MFSD6: variants seen among roughly 807,000 people sequenced by gnomAD.
MFSD6 encodes the protein major facilitator superfamily domain-containing protein 6.
A neutral mutation model predicts 56.3 loss-of-function variants in MFSD6; 26 were observed. The observed-to-expected ratio is 0.46, with a 90% CI of 0.34 to 0.64. The LOEUF (loss-of-function observed/expected upper bound fraction) is 0.64. Ranked by LOEUF, MFSD6 falls within the 30% of genes least tolerant of loss-of-function variation. The probability of loss-of-function intolerance (pLI) is 0.01; values close to 1 mark genes in which losing one functional copy is unlikely to be tolerated. For missense variants in MFSD6, 750 were observed against 986.2 expected, an observed-to-expected ratio of 0.76 and a Z score of 3.21; for synonymous variants, 331 against 366.9, an observed-to-expected ratio of 0.90 and a Z score of 1.12.
In MFSD6 at chr2:190,417,263, T is replaced by C. The variant is rs1466284584; in HGVS notation, c.-54+1850T>C. Among the ~76,000 whole-genome samples the C allele has an allele frequency of 6.6e-6, 1 of 152,186 alleles. No individual in the cohort carries two copies. The highest frequency in any genetic ancestry group is 6.5e-5 in the Admixed American group (1 of 15,276). ...TCACAGGACTTCAGTACTGGATCAT[T>C]AGCGGTAAGATCAGCACACCAAAAT... On this transcript the variant is annotated intron_variant, in intron 2 of 7. Coordinates refer to ENST00000392328, the MANE Select transcript of MFSD6 (RefSeq NM_017694.4). The surrounding 1 kb of genome is among the most constrained non-coding windows in gnomAD (Gnocchi z 5.7).
rs770260427 is a variant in MFSD6 at position 190,437,090 on chromosome 2, T to C, written c.1061T>C (p.Leu354Pro). Residue 354 changes from leucine (L) to proline (P), a missense_variant, in exon 3 of 8, where the codon CTC becomes CCC. By Grantham distance (98) the Leu-to-Pro change is moderately conservative. Transcript: ENST00000392328. This position sits in a 1 kb window ranked among gnomAD's most constrained non-coding sequence, Gnocchi z 5.9. The part of the protein sequence containing the change: ...IGIDYTHIEV[L>P]IDGKGCKPPE... ...ATCGACTACACCCACATCGAAGTGC[T>C]CATCGATGGAAAGGGGTGTAAGCCC... 3.1e-6 allele frequency: 5 copies of C among 1,614,226 alleles called. No homozygotes were observed. The South Asian group carries it at 4.4e-5, about 14-fold the overall frequency.
chr2:190,443,662 A>C lies in MFSD6; in HGVS notation c.1532+6101A>C, dbSNP rs1169326289. 6.6e-6 allele frequency among the ~76,000 whole-genome samples: 1 copy of C among 152,196 alleles called. No individual in the cohort carries two copies. The highest frequency in any genetic ancestry group is 1.5e-5 in the Non-Finnish European group (1 of 68,030). On this transcript the variant is annotated intron_variant, in intron 3 of 7. Transcript: ENST00000392328. This position sits in a 1 kb window ranked among gnomAD's most constrained non-coding sequence, Gnocchi z 4.2. ...CTCCCCAAATTTCTGATGACCATAG[A>C]TTTTCAAATGAAATGGAGTTATATC... is the stretch of plus-strand genomic sequence containing the variant.
intron 4 of MFSD6, among the ~76,000 whole-genome samples, chr2:190,483,197 T>A (rs1423648258): frequency 6.6e-6 from 1 of 152,002 alleles, no homozygotes; most frequent in Non-Finnish European, 1.5e-5. Flanking sequence ...CGGCCGACTA[T>A]CATCTTTTAA....
In MFSD6 at chr2:190,426,039, GT is replaced by G. The variant is rs1051734703; in HGVS notation, c.-53-9934del. Among the ~76,000 whole-genome samples, 6 of 152,066 alleles carry G rather than the reference GT, an allele frequency of 3.9e-5. No individual in the cohort carries two copies. Among genetic ancestry groups the G allele is most frequent in the Non-Finnish European group, 7.4e-5 (5 of 68,010 alleles). On this transcript the variant is annotated intron_variant, in intron 2 of 7. Coordinates refer to ENST00000392328, the MANE Select transcript of MFSD6 (RefSeq NM_017694.4). This position sits in a 1 kb window ranked among gnomAD's most constrained non-coding sequence, Gnocchi z 4.7. Reference sequence around the variant, plus strand: ...TGATGAGTTTTGGTGTGGGCATTTTGTTTTAGTTTTATCCTGTTGGGATTGC... The same window carrying G: ...TGATGAGTTTTGGTGTGGGCATTTTGTTTAGTTTTATCCTGTTGGGATTGC...
chr2:190,441,394 G>C (rs1686370115), intron 3 of MFSD6, among the ~76,000 whole-genome samples: 1 of 149,556 alleles, frequency 6.7e-6, no homozygotes. Context: ...CAGCTTCCTA[G>C]TTGATTCTAG....
Position 190,497,373 on chromosome 2 carries a change from T to C in MFSD6, c.1892-66T>C. On this transcript the variant is annotated intron_variant, in intron 6 of 7. Transcript: ENST00000392328. The surrounding 1 kb of genome is among the most constrained non-coding windows in gnomAD (Gnocchi z 5.2). ...ATGGGATTCTTGGTTTATTTATTTA[T>C]TTTTACCTTTGTTCAAATATGTAGA... is the stretch of plus-strand genomic sequence containing the variant. The C allele has an allele frequency of 6.5e-7, 1 of 1,541,514 alleles. No homozygotes were observed.
In MFSD6 at chr2:190,412,026, T is replaced by C. The variant is rs1690583142; in HGVS notation, c.-175-3266T>C. 1.0e-6 allele frequency: 1 copy of C among 985,272 alleles called. No homozygotes were observed. Among genetic ancestry groups the C allele is most frequent in the Admixed American group, 6.1e-5 (1 of 16,268 alleles). 61.0% of individuals were successfully genotyped at this position (985,272 alleles called of 1,614,324 possible). On this transcript the variant is annotated intron_variant, in intron 1 of 7. Coordinates refer to ENST00000392328, the MANE Select transcript of MFSD6 (RefSeq NM_017694.4). This position sits in a 1 kb window ranked among gnomAD's most constrained non-coding sequence, Gnocchi z 4.1. ...GAAATTATGGCATTCTGGATGACTTTAGGTATAATTATTTTTAGTAACAAT... is the reference window on the plus strand; with the variant it reads ...GAAATTATGGCATTCTGGATGACTTCAGGTATAATTATTTTTAGTAACAAT...
intron 4 of MFSD6, among the ~76,000 whole-genome samples, chr2:190,480,568 G>C (rs1688603156): frequency 6.6e-6 from 1 of 152,130 alleles, no homozygotes; most frequent in South Asian, 2.1e-4. Flanking sequence ...ATTTTAATTA[G>C]TACTTATACC....
In MFSD6 at chr2:190,482,903, T is replaced by TTTTTTTTTTTTTTTTTTTTTTTTTTTG. The variant is rs544591315; in HGVS notation, c.1631-5754_1631-5753insTTTTTTTTTTTTTTTTTTTTTTTTTTG. ...TTTTTTTTTTTTTTTTTTTTTTTTT[T>TTTTTTTTTTTTTTTTTTTTTTTTTTTG]AGACGGAGTCTCACTCTGTCGCCCA... On this transcript the variant is annotated intron_variant, in intron 4 of 7. Transcript: ENST00000392328. Among the ~76,000 whole-genome samples the TTTTTTTTTTTTTTTTTTTTTTTTTTTG allele has an allele frequency of 1.5e-4, 13 of 86,250 alleles. 6 individuals are homozygous for TTTTTTTTTTTTTTTTTTTTTTTTTTTG. The highest frequency in any genetic ancestry group is 8.2e-4 in the East Asian group (2 of 2,442). The allele number at this position is 86,250 out of a possible 152,430, so 56.6% of individuals were successfully genotyped here. A position where few individuals can be genotyped will look rare whatever the true frequency, so the allele number is the denominator to read the frequency against.
chr2:190,482,890 T>TG (rs1479983983), intron 4 of MFSD6, among the ~76,000 whole-genome samples: 1 of 46,542 alleles, frequency 2.1e-5, no homozygotes, highest in African/African-American at 5.6e-5. Context: ...TTTTTTTTTT[T>TG]TTTTTTTTTT....
At position 190,462,141 on chromosome 2, in the gene MFSD6, G is replaced by C. The variant is rs954494565; in HGVS notation, c.1533-7617G>C. Among the ~76,000 whole-genome samples the C allele has an allele frequency of 6.6e-6, 1 of 152,002 alleles. No homozygotes were observed. The highest frequency in any genetic ancestry group is 1.5e-5 in the Non-Finnish European group (1 of 68,020). On this transcript the variant is annotated intron_variant, in intron 3 of 7. Coordinates refer to ENST00000392328, the MANE Select transcript of MFSD6 (RefSeq NM_017694.4). The surrounding 1 kb of genome is among the most constrained non-coding windows in gnomAD (Gnocchi z 5.7). The stretch of plus-strand genomic sequence containing the variant: ...TCTGTCTCCTTCTTGGTTTGTTTTT[G>C]TATTAATATAATGTGAATATGGATA...
rs1689591934 is a variant in MFSD6, at chr2:190,495,099, C to G, written c.1892-2340C>G. 6.6e-6 allele frequency among the ~76,000 whole-genome samples: 1 copy of G among 152,130 alleles called. No homozygotes were observed. On this transcript the variant is annotated intron_variant, in intron 6 of 7. Transcript: ENST00000392328. The surrounding 1 kb of genome is among the most constrained non-coding windows in gnomAD (Gnocchi z 4.7). ...ATGATAAGATTGTATACCTAGAAAACCCTAAAGACTCCTCCTAAAAGCTCT... is the reference window on the plus strand; with the variant it reads ...ATGATAAGATTGTATACCTAGAAAAGCCTAAAGACTCCTCCTAAAAGCTCT...
At position 190,457,296 on chromosome 2, in the gene MFSD6, C is replaced by T. The variant is rs1239553933; in HGVS notation, c.1533-12462C>T. 2.6e-5 allele frequency among the ~76,000 whole-genome samples: 4 copies of T among 152,162 alleles called. No homozygotes were observed. Among genetic ancestry groups the T allele is most frequent in the East Asian group, 1.9e-4 (1 of 5,198 alleles). On this transcript the variant is annotated intron_variant, in intron 3 of 7. Transcript: ENST00000392328. The surrounding 1 kb of genome is among the most constrained non-coding windows in gnomAD (Gnocchi z 5.1). ...TCCTTCCTTGTCTCTGTGAAAAGAG[C>T]GAGCTGGATGCTATGGCTCCTTTCA...
rs1387078187 is a variant in MFSD6 at position 190,424,238 on chromosome 2, T to C, written c.-54+8825T>C. 5.3e-5 allele frequency among the ~76,000 whole-genome samples: 8 copies of C among 151,196 alleles called. No individual in the cohort carries two copies. The highest frequency in any genetic ancestry group is 9.7e-5 in the African/African-American group (4 of 41,192). Reference sequence around the variant, plus strand: ...AGAGGCTAAAGATTTTCTTCTTCTTTTTTTTTTTTTCTAAATGTTTTATAG... The same window carrying C: ...AGAGGCTAAAGATTTTCTTCTTCTTCTTTTTTTTTTCTAAATGTTTTATAG... On this transcript the variant is annotated intron_variant, in intron 2 of 7. Coordinates refer to ENST00000392328, the MANE Select transcript of MFSD6 (RefSeq NM_017694.4). This position sits in a 1 kb window ranked among gnomAD's most constrained non-coding sequence, Gnocchi z 5.9.
intron 4 of MFSD6, among the ~76,000 whole-genome samples, chr2:190,472,081 C>T (rs1687975403): frequency 6.6e-6 from 1 of 152,120 alleles, no homozygotes; most frequent in African/African-American, 2.4e-5. Context: ...ACACCAAAAC[C>T]CCATCTGTAC....
intron 4 of MFSD6, among the ~76,000 whole-genome samples, chr2:190,482,169 G>A (rs1315648491): frequency 6.6e-6 from 1 of 152,182 alleles, no homozygotes; most frequent in Non-Finnish European, 1.5e-5. Context: ...ATTGCAGATG[G>A]CAGATTCTCT....
rs1253861935 is a variant in MFSD6, at chr2:190,457,244, T to C, written c.1533-12514T>C. Among the ~76,000 whole-genome samples, 2 of 152,208 alleles carry C rather than the reference T, an allele frequency of 1.3e-5. No individual in the cohort carries two copies. Among genetic ancestry groups the C allele is most frequent in the African/African-American group, 4.8e-5 (2 of 41,464 alleles). ...GACTTCCACTGGCCAACCGACTTTG[T>C]GGCCCCGGTCCACCCCTGTGGCCCT... is the stretch of plus-strand genomic sequence containing the variant. On this transcript the variant is annotated intron_variant, in intron 3 of 7. Coordinates refer to ENST00000392328, the MANE Select transcript of MFSD6 (RefSeq NM_017694.4). The surrounding 1 kb of genome is among the most constrained non-coding windows in gnomAD (Gnocchi z 5.1).
At chr2:190,440,952 A>G (rs963016629) in intron 3 of MFSD6, among the ~76,000 whole-genome samples, 11 of 152,220 alleles carry the variant, frequency 7.2e-5, no homozygotes. Context: ...GGGCTTCAGC[A>G]CAGCCAAGGA....
In MFSD6 at chr2:190,431,624, A is replaced by G. The variant is rs558987423; in HGVS notation, c.-53-4353A>G. Among the ~76,000 whole-genome samples the G allele has an allele frequency of 6.6e-6, 1 of 152,320 alleles. No individual in the cohort carries two copies. The highest frequency in any genetic ancestry group is 1.5e-5 in the Non-Finnish European group (1 of 68,014). ...GCAGGCTGAGGCAGGGGAATCAGGC[A>G]GGGAGGTTGCAGTGAGCCGAGATGG... On this transcript the variant is annotated intron_variant, in intron 2 of 7. Coordinates refer to ENST00000392328, the MANE Select transcript of MFSD6 (RefSeq NM_017694.4). This position sits in a 1 kb window ranked among gnomAD's most constrained non-coding sequence, Gnocchi z 4.4.
Sources: gnomAD v4.1 joint callset for allele counts (sites outside exome capture counted in the v4.1 genomes callset) on GRCh38, gnomAD v4.1.1 for gene constraint, Gnocchi (gnomAD v3.1) non-coding constraint, MANE v1.5 for transcripts, NCBI Gene and HGNC (gene_info 2026-07-23, HGNC 2026-07-21) for gene names.